Variants in STIMATE observed in about 807,000 individuals in gnomAD.
STIMATE encodes STIM activating enhancer.
STIMATE carries 15 observed loss-of-function variants against 36.7 expected under a neutral mutation model. The ratio of observed to expected loss-of-function variants is 0.41; its 90% CI spans 0.27 to 0.63. The LOEUF (loss-of-function observed/expected upper bound fraction) is 0.63. STIMATE is among the 20% of genes least tolerant of loss of function. The pLI, the probability that STIMATE is intolerant of heterozygous loss-of-function variation, is 0.32. For missense variants in STIMATE, 305 were observed against 397.3 expected, an observed-to-expected ratio of 0.77 and a Z score of 1.98; for synonymous variants, 163 against 162.3, an observed-to-expected ratio of 1.00 and a Z score of -0.03.
At chr3:52,889,090 A>C (rs927925070) in intron 1 of STIMATE, among the ~76,000 whole-genome samples, 1 of 152,150 alleles carries the variant, frequency 6.6e-6, no homozygotes, top group Non-Finnish European at 1.5e-5. Context: ...GGGCACACTA[A>C]ACAAGATGCG....
At chr3:52,869,455 T>C (rs759126646) in intron 1 of STIMATE, among the ~76,000 whole-genome samples, 2 of 152,240 alleles carry the variant, frequency 1.3e-5, no homozygotes, top group Non-Finnish European at 2.9e-5. Flanking sequence ...CCATTTCTTC[T>C]CTTGGATAGT....
intron 4 of STIMATE, chr3:52,847,099 G>A (rs1488867393): frequency 1.6e-5 from 8 of 512,600 alleles, no homozygotes; most frequent in South Asian, 8.9e-5. Context: ...TTGTAGAGAC[G>A]GGATCTTGCT....
intron 3 of STIMATE, 111 bp from the exon 4 acceptor site, chr3:52,850,024 C>T: frequency 6.9e-7 from 1 of 1,440,448 alleles, no homozygotes; most frequent in Admixed American, 2.5e-5. Context: ...TGTTTGGGCC[C>T]ATTCTGGGGG....
chr3:52,862,850 T>C (rs1468879133), intron 1 of STIMATE, among the ~76,000 whole-genome samples: 2 of 152,098 alleles, frequency 1.3e-5, no homozygotes, highest in Non-Finnish European at 2.9e-5. Flanking sequence ...ATTACAAGTA[T>C]CCTTATGAGA....
chr3:52,853,668 TG>T (rs1177094420), intron 2 of STIMATE, among the ~76,000 whole-genome samples: 1 of 152,172 alleles, frequency 6.6e-6, no homozygotes, highest in Non-Finnish European at 1.5e-5. Context: ...CACCAGGTCC[TG>T]CCCCAGCCCT....
chr3:52,890,813 C>G (rs2106734908), intron 1 of STIMATE, among the ~76,000 whole-genome samples: 1 of 152,340 alleles, frequency 6.6e-6, no homozygotes, highest in African/African-American at 2.4e-5. Flanking sequence ...ACCCAGAGCC[C>G]TGCAGACCCT....
At chr3:52,885,205 T>C (rs1187098300) in intron 1 of STIMATE, among the ~76,000 whole-genome samples, 1 of 152,240 alleles carries the variant, frequency 6.6e-6, no homozygotes, top group Non-Finnish European at 1.5e-5. Flanking sequence ...TCATTGGCCA[T>C]TTGTATATCT....
intron 4 of STIMATE, among the ~76,000 whole-genome samples, chr3:52,845,776 CT>C (rs1279632319): frequency 6.6e-6 from 1 of 152,036 alleles, no homozygotes; most frequent in Non-Finnish European, 1.5e-5. Flanking sequence ...ATGAAGAACC[CT>C]AGGGTGGCTC....
chr3:52,844,721 G>T, intron 5 of STIMATE, 108 bp downstream of exon 5: 3 of 1,129,458 alleles, frequency 2.7e-6, no homozygotes, highest in Non-Finnish European at 2.4e-6. Flanking sequence ...CACATTCATA[G>T]AGTTAAAACA....
chr3:52,849,739 C>A, intron 4 of STIMATE, 53 bp downstream of exon 4: 1 of 1,577,768 alleles, frequency 6.3e-7, no homozygotes, highest in Non-Finnish European at 8.6e-7. Context: ...GGGCAAGGAG[C>A]AGAGACCTCC....
chr3:52,843,010 G>A (rs1321617803), intron 6 of STIMATE, 50 bp from the exon 7 acceptor site: 13 of 1,611,882 alleles, frequency 8.1e-6, no homozygotes, highest in Non-Finnish European at 9.3e-6. Context: ...ATTTTTCAAA[G>A]CAAAGCCGAA....
At chr3:52,877,625 G>T (rs529123347) in intron 1 of STIMATE, among the ~76,000 whole-genome samples, 42 of 152,306 alleles carry the variant, frequency 2.8e-4, no homozygotes, top group African/African-American at 1.0e-3. Flanking sequence ...GGATTAAGCT[G>T]TATTTTCCCA....
chr3:52,847,862 AG>A (rs1399436245), intron 4 of STIMATE, among the ~76,000 whole-genome samples: 3 of 152,360 alleles, frequency 2.0e-5, no homozygotes, highest in Admixed American at 2.0e-4. Flanking sequence ...AGAAGGCTGC[AG>A]GAAGTCAGGG....
intron 1 of STIMATE, chr3:52,895,976 T>C (rs1362678279): frequency 2.3e-6 from 3 of 1,288,688 alleles, no homozygotes; most frequent in East Asian, 1.1e-4. Context: ...AAGTGGGTAT[T>C]TGTTTAGCAG....
intron 3 of STIMATE, among the ~76,000 whole-genome samples, chr3:52,851,553 C>T (rs1441377585): frequency 1.3e-5 from 2 of 152,226 alleles, no homozygotes; most frequent in Non-Finnish European, 2.9e-5. Flanking sequence ...TCCTGCCTGC[C>T]CTTCCTCTGT....
chr3:52,897,199 G>A (rs2106744918), intron 1 of STIMATE, 92 bp downstream of exon 1: 2 of 1,477,626 alleles, frequency 1.4e-6, no homozygotes, highest in African/African-American at 2.9e-5. Flanking sequence ...GGGTCCCAAG[G>A]CCTGAACTCT....
chr3:52,842,912 T>C lies in STIMATE; in HGVS notation c.667A>G (p.Thr223Ala). 1.2e-6 allele frequency: 2 copies of C among 1,614,204 alleles called. No individual in the cohort carries two copies. Among genetic ancestry groups the C allele is most frequent in the Middle Eastern group, 1.6e-4 (1 of 6,062 alleles). ...CCCCTTTCTTCTAGCTTAGCTTTCG[T>C]CTTCCCCTTTCTCATGAGGAAATTG... ...VDNFLMRKGK[T>A]KAKLEERGAN... Residue 223 changes from threonine (T) to alanine (A), a missense_variant, in exon 7 of 8, where the codon ACG (threonine) becomes GCG (alanine). Thr to Ala is a moderately conservative substitution (Grantham distance 58, BLOSUM62 0). Around this residue, in one of 3 missense-constraint regions of STIMATE, gnomAD observed 164 missense variants for 257.9 expected, o/e 0.64. Transcript: ENST00000355083.
intron 2 of STIMATE, among the ~76,000 whole-genome samples, chr3:52,855,186 A>T (rs1456246906): frequency 6.6e-6 from 1 of 152,208 alleles, no homozygotes; most frequent in African/African-American, 2.4e-5. Context: ...AAATAAAGGT[A>T]GGATCAAAAG....
Position 52,839,698 on chromosome 3 carries a change from T to C in STIMATE, c.*796A>G, listed in dbSNP as rs1700762788. 1 of 152,120 alleles carries C rather than the reference T, an allele frequency of 6.6e-6. No homozygotes were observed. Among genetic ancestry groups the C allele is most frequent in the African/African-American group, 2.4e-5 (1 of 41,418 alleles). 9.4% of individuals were successfully genotyped at this position (152,120 alleles called of 1,614,324 possible). The stretch of plus-strand genomic sequence containing the variant: ...AAGGGCCATCCTCCTTCCCTCCCCA[T>C]CATTTGTCTCATCTTATCATAGGGC... On this transcript the variant is annotated 3_prime_UTR_variant, in exon 8 of 8. Transcript: ENST00000355083.
Sources: allele counts gnomAD v4.1 joint callset (sites outside exome capture counted in the v4.1 genomes callset), GRCh38; gene constraint gnomAD v4.1.1; regional missense constraint gnomAD v4.1.1; transcripts MANE v1.5; gene names NCBI Gene and HGNC (gene_info 2026-07-23, HGNC 2026-07-21).